Variants in FRRS1L observed in about 807,000 individuals in gnomAD.
FRRS1L encodes DOMON domain-containing protein FRRS1L.
FRRS1L carries 22 observed loss-of-function variants against 28.6 expected under a neutral mutation model. The ratio of observed to expected loss-of-function variants is 0.77; its 90% CI spans 0.55 to 1.10. The LOEUF is 1.10. Ranked by LOEUF, FRRS1L falls within the 50% of genes least tolerant of loss-of-function variation. The pLI is 0.00. For synonymous variants in FRRS1L, 158 were observed against 151.4 expected, an observed-to-expected ratio of 1.04 and a Z score of -0.32; for missense variants, 380 against 386.9, an observed-to-expected ratio of 0.98 and a Z score of 0.15.
chr9:109,155,139 A>T (rs1831388171), intron 1 of FRRS1L, among the ~76,000 whole-genome samples: 1 of 152,190 alleles, frequency 6.6e-6, no homozygotes, highest in African/African-American at 2.4e-5. Context: ...CCAGGCACAA[A>T]GCCTGGAAAT....
Position 109,163,522 on chromosome 9 carries a change from C to A in FRRS1L, c.238+3379G>T, listed in dbSNP as rs74366766. Among the ~76,000 whole-genome samples, 476 of 152,222 alleles carry A rather than the reference C, an allele frequency of 3.1e-3. 5 individuals carry two copies. Among genetic ancestry groups the A allele is most frequent in the Admixed American group, 2.9e-3 (44 of 15,302 alleles). Reference sequence around the variant, plus strand: ...AAAAATGACCATGTTAGGGGGTGATCATTTTCTTGAGACAGCAAATTAGCC... The same window carrying A: ...AAAAATGACCATGTTAGGGGGTGATAATTTTCTTGAGACAGCAAATTAGCC... On this transcript the variant is annotated intron_variant, in intron 1 of 4. Transcript: ENST00000561981.
At chr9:109,164,978 TATC>T (rs946363181) in intron 1 of FRRS1L, among the ~76,000 whole-genome samples, 1 of 152,136 alleles carries the variant, frequency 6.6e-6, no homozygotes, top group African/African-American at 2.4e-5. Flanking sequence ...ACAATGAACA[TATC>T]ATTCTCTCTG....
intron 1 of FRRS1L, among the ~76,000 whole-genome samples, chr9:109,166,259 A>C (rs776128682): frequency 1.5e-4 from 23 of 152,214 alleles, no homozygotes; most frequent in Non-Finnish European, 2.6e-4. Context: ...TTGGCTGACA[A>C]ACTCCCAGTC....
intron 1 of FRRS1L, among the ~76,000 whole-genome samples, chr9:109,165,104 T>C (rs1028528084): frequency 1.3e-5 from 2 of 152,242 alleles, no homozygotes; most frequent in Non-Finnish European, 2.9e-5. Context: ...CTGGCAGCAC[T>C]AGGCTGTGTA....
intron 1 of FRRS1L, among the ~76,000 whole-genome samples, chr9:109,161,651 C>T (rs887240844): frequency 6.6e-6 from 1 of 152,202 alleles, no homozygotes; most frequent in East Asian, 1.9e-4. Context: ...CCTTTTACCA[C>T]ACTCTACTGG....
chr9:109,143,820 A>AT (rs951310936), intron 3 of FRRS1L, among the ~76,000 whole-genome samples: 7 of 152,046 alleles, frequency 4.6e-5, no homozygotes, highest in Non-Finnish European at 8.8e-5. Flanking sequence ...ATAATGTACC[A>AT]TTTTTAAAAA....
intron 3 of FRRS1L, among the ~76,000 whole-genome samples, chr9:109,143,471 C>T (rs1371657106): frequency 4.0e-5 from 6 of 151,050 alleles, no homozygotes; most frequent in Admixed American, 1.3e-4. Flanking sequence ...TGCTGTAAAA[C>T]GTAAAGTCTA....
intron 3 of FRRS1L, 141 bp downstream of exon 3, chr9:109,146,910 G>T: frequency 1.3e-6 from 1 of 770,040 alleles, no homozygotes; most frequent in Non-Finnish European, 2.1e-6. Context: ...AAGCTAGCCT[G>T]AATTTTTTTT....
chr9:109,144,705 C>A (rs568400876), intron 3 of FRRS1L, among the ~76,000 whole-genome samples: 1 of 150,270 alleles, frequency 6.7e-6, no homozygotes, highest in African/African-American at 2.5e-5. Flanking sequence ...TTTTTTGAGA[C>A]GGAGTTTCAT....
chr9:109,167,040 G>A lies in FRRS1L; in HGVS notation c.99C>T (p.Asp33=), dbSNP rs1312165648. ...PAACAASPAD[D]GAGPGGRGPR... ...GTCCCCGGCCCCCCGGGCCCGCACC[G>A]TCGTCCGCGGGGCTGGCTGCGCAGG... is the stretch of plus-strand genomic sequence containing the variant. The change falls in exon 1 of 5, where the codon GAC becomes GAT. Residue 33 remains aspartate, a synonymous_variant. Transcript: ENST00000561981. 2.5e-6 allele frequency: 3 copies of A among 1,197,930 alleles called. No individual in the cohort carries two copies. Among genetic ancestry groups the A allele is most frequent in the Non-Finnish European group, 3.1e-6 (3 of 968,808 alleles). The allele number at this position is 1,197,930 out of a possible 1,614,324, so 74.2% of individuals were successfully genotyped here.
At chr9:109,154,462 A>G (rs1268529274) in intron 1 of FRRS1L, among the ~76,000 whole-genome samples, 1 of 152,232 alleles carries the variant, frequency 6.6e-6, no homozygotes, top group African/African-American at 2.4e-5. Context: ...GTTTGCCAAA[A>G]CTGTAGCTTA....
At chr9:109,145,981 A>G (rs1430111882) in intron 3 of FRRS1L, among the ~76,000 whole-genome samples, 1 of 152,158 alleles carries the variant, frequency 6.6e-6, no homozygotes, top group Non-Finnish European at 1.5e-5. Flanking sequence ...GGATCATCTG[A>G]GGTCAGGAGT....
intron 1 of FRRS1L, among the ~76,000 whole-genome samples, chr9:109,165,815 T>A (rs1831541437): frequency 6.6e-6 from 1 of 152,246 alleles, no homozygotes; most frequent in African/African-American, 2.4e-5. Flanking sequence ...TTTTTCCCAC[T>A]GTCTAGAATG....
chr9:109,134,337 G>C lies in FRRS1L; in HGVS notation c.*3118C>G, dbSNP rs72760397. 0.072 allele frequency: 10,906 copies of C among 152,340 alleles called. 585 individuals carry two copies. The highest frequency in any genetic ancestry group is 0.11 in the Non-Finnish European group (7,151 of 68,064). 9.4% of individuals were successfully genotyped at this position (152,340 alleles called of 1,614,324 possible). ...TCTAGAAAAGTATAACGAGCATGTT[G>C]ATGAGGAAGCCCAATGTGCTATGGG... On this transcript the variant is annotated 3_prime_UTR_variant, in exon 5 of 5. Coordinates refer to ENST00000561981, the MANE Select transcript of FRRS1L (RefSeq NM_014334.4).
chr9:109,149,540 C>T, intron 2 of FRRS1L, 96 bp downstream of exon 2: 2 of 786,410 alleles, frequency 2.5e-6, no homozygotes, highest in Admixed American at 2.3e-5. Context: ...GGAGCTCAGG[C>T]CCCCTGATTA....
At chr9:109,146,155 C>T (rs1450196200) in intron 3 of FRRS1L, among the ~76,000 whole-genome samples, 1 of 152,156 alleles carries the variant, frequency 6.6e-6, no homozygotes, top group African/African-American at 2.4e-5. Context: ...CAAGGTCACA[C>T]CATTGCACTC....
At chr9:109,156,688 TG>T (rs1415479956) in intron 1 of FRRS1L, among the ~76,000 whole-genome samples, 101 of 143,580 alleles carry the variant, frequency 7.0e-4, no homozygotes, top group East Asian at 4.7e-3. Context: ...TGCACCTGGA[TG>T]TTTTTTTTTT....
rs1831094962 is a variant in FRRS1L, at chr9:109,134,862, A to G, written c.*2593T>C. 1 of 152,218 alleles carries G rather than the reference A, an allele frequency of 6.6e-6. No individual in the cohort carries two copies. The allele number at this position is 152,218 out of a possible 1,614,324, so 9.4% of individuals were successfully genotyped here. A position where few individuals can be genotyped will look rare whatever the true frequency, so the allele number is the denominator to read the frequency against. ...TCTTATTTACAACATGGCTGCCTGC[A>G]TATCAGTATCTTCACTACTAAACAG... On this transcript the variant is annotated 3_prime_UTR_variant, in exon 5 of 5. Transcript: ENST00000561981.
chr9:109,149,829 G>A (rs1301336089), intron 1 of FRRS1L, 109 bp from the exon 2 acceptor site: 2 of 752,688 alleles, frequency 2.7e-6, no homozygotes, highest in Non-Finnish European at 4.5e-6. Context: ...AGAAATGTTT[G>A]GGGACTCAGA....
Sources: allele counts gnomAD v4.1 joint callset (sites outside exome capture counted in the v4.1 genomes callset), GRCh38; gene constraint gnomAD v4.1.1; transcripts MANE v1.5; gene names NCBI Gene and HGNC (gene_info 2026-07-23, HGNC 2026-07-21).